The following NRG1 variants were observed in gnomAD, a reference collection of about 807,000 sequenced individuals.
NRG1 encodes the protein neuregulin 1.
A neutral mutation model predicts 63.8 loss-of-function variants in NRG1; 18 were observed. The observed-to-expected ratio is 0.28, with a 90% CI of 0.19 to 0.42. The LOEUF is 0.42. Ranked by LOEUF, NRG1 falls within the 10% of genes least tolerant of loss-of-function variation. The probability of loss-of-function intolerance (pLI) is 1.00; values close to 1 mark genes in which losing one functional copy is unlikely to be tolerated. For missense variants in NRG1, 762 were observed against 814.7 expected, an observed-to-expected ratio of 0.94 and a Z score of 0.79; for synonymous variants, 302 against 301.3, an observed-to-expected ratio of 1.00 and a Z score of -0.02.
At chr8:32,377,217 A>C (rs1249610741) in intron 1 of NRG1, among the ~76,000 whole-genome samples, 1 of 152,244 alleles carries the variant, frequency 6.6e-6, no homozygotes, top group Non-Finnish European at 1.5e-5. Context: ...GACACTTTTT[A>C]ACTTTGACAG....
At chr8:32,196,926 C>A (rs577443579) in intron 1 of NRG1, among the ~76,000 whole-genome samples, 1 of 105,910 alleles carries the variant, frequency 9.4e-6, no homozygotes, top group Non-Finnish European at 2.0e-5. Flanking sequence ...TTCTACCAGG[C>A]CTGTTCTCAG....
intron 1 of NRG1, among the ~76,000 whole-genome samples, chr8:31,925,238 T>G (rs148693319): frequency 0.037 from 2,439 of 65,918 alleles, 41 homozygotes; most frequent in South Asian, 0.15. Flanking sequence ...TGGTTGTGAA[T>G]GTACTATTCT....
intron 1 of NRG1, among the ~76,000 whole-genome samples, chr8:32,142,901 G>A (rs1469244883): frequency 2.0e-5 from 3 of 152,168 alleles, no homozygotes; most frequent in Non-Finnish European, 4.4e-5. Context: ...GGTTTCTAAA[G>A]GTATACTTAT....
chr8:32,467,074 C>T (rs957460214), intron 1 of NRG1, among the ~76,000 whole-genome samples: 1 of 152,002 alleles, frequency 6.6e-6, no homozygotes, highest in Non-Finnish European at 1.5e-5. Context: ...ATATTTTAAC[C>T]TTGCCTCCCA....
intron 1 of NRG1, among the ~76,000 whole-genome samples, chr8:32,583,756 T>C (rs1401264813): frequency 6.6e-6 from 1 of 152,226 alleles, no homozygotes; most frequent in Non-Finnish European, 1.5e-5. Flanking sequence ...TTTAGCCTAC[T>C]GTTTACAAAG....
intron 1 of NRG1, among the ~76,000 whole-genome samples, chr8:32,435,156 T>G (rs546482105): frequency 6.6e-6 from 1 of 152,180 alleles, no homozygotes; most frequent in Non-Finnish European, 1.5e-5. Context: ...GAGGCAGATA[T>G]TTCCATAAAT....
At chr8:32,074,137 G>T (rs1826156156) in intron 1 of NRG1, among the ~76,000 whole-genome samples, 1 of 152,110 alleles carries the variant, frequency 6.6e-6, no homozygotes, top group Non-Finnish European at 1.5e-5. Context: ...CTAAACCAAG[G>T]ATGCTAAATA....
intron 1 of NRG1, among the ~76,000 whole-genome samples, chr8:32,246,162 A>C (rs552560165): frequency 3.9e-4 from 60 of 152,336 alleles, no homozygotes; most frequent in Non-Finnish European, 1.3e-4. Context: ...GAAGAAAAAG[A>C]TACCAATGAC....
intron 1 of NRG1, among the ~76,000 whole-genome samples, chr8:32,278,351 CA>C (rs965975439): frequency 4.6e-5 from 7 of 151,828 alleles, no homozygotes; most frequent in African/African-American, 1.7e-4. Flanking sequence ...CCCCAATCTT[CA>C]AAAAAAGGAT....
intron 1 of NRG1, among the ~76,000 whole-genome samples, chr8:32,444,981 T>C (rs1820061893): frequency 6.6e-6 from 1 of 152,186 alleles, no homozygotes; most frequent in East Asian, 1.9e-4. Context: ...CATGTAGTGG[T>C]GATTCACAGA....
chr8:32,218,863 G>A (rs959539555), intron 1 of NRG1, among the ~76,000 whole-genome samples: 3 of 152,172 alleles, frequency 2.0e-5, no homozygotes, highest in Non-Finnish European at 4.4e-5. Flanking sequence ...AGGGAGCAAA[G>A]GCAGGATTTC....
intron 1 of NRG1, among the ~76,000 whole-genome samples, chr8:32,140,504 C>A (rs1836108680): frequency 1.3e-5 from 2 of 151,684 alleles, no homozygotes; most frequent in Non-Finnish European, 2.9e-5. Flanking sequence ...ACTCTGTTGC[C>A]CATCCTGGAG....
At chr8:32,072,667 AATAAC>A (rs759863618) in intron 1 of NRG1, among the ~76,000 whole-genome samples, 41 of 152,194 alleles carry the variant, frequency 2.7e-4, no homozygotes, top group Non-Finnish European at 5.4e-4. Flanking sequence ...TAGGAGGGCA[AATAAC>A]ATAACTGCTT....
chr8:31,858,215 C>T (rs183605322), intron 1 of NRG1, among the ~76,000 whole-genome samples: 40 of 151,742 alleles, frequency 2.6e-4, no homozygotes, highest in African/African-American at 8.2e-4. Context: ...AGGAGAATGG[C>T]GTGAAACTGG....
chr8:32,099,112 G>A (rs934181779), intron 1 of NRG1, among the ~76,000 whole-genome samples: 1 of 152,208 alleles, frequency 6.6e-6, no homozygotes, highest in Non-Finnish European at 1.5e-5. Context: ...CAGCAAGATA[G>A]GAGCTGACTG....
At chr8:32,097,593 C>T (rs1329408372) in intron 1 of NRG1, among the ~76,000 whole-genome samples, 1 of 151,840 alleles carries the variant, frequency 6.6e-6, no homozygotes, top group Admixed American at 6.6e-5. Flanking sequence ...CCAAATAATT[C>T]CAGGAAAGAG....
intron 1 of NRG1, among the ~76,000 whole-genome samples, chr8:32,131,033 T>G (rs1834744847): frequency 6.6e-6 from 1 of 151,966 alleles, no homozygotes; most frequent in Non-Finnish European, 1.5e-5. Flanking sequence ...TTGCTAAAAC[T>G]ATAAATAACA....
chr8:31,959,315 A>C (rs1199412639), intron 1 of NRG1, among the ~76,000 whole-genome samples: 1 of 152,210 alleles, frequency 6.6e-6, no homozygotes, highest in Non-Finnish European at 1.5e-5. Flanking sequence ...TACAAGTATA[A>C]AACTATCAGT....
chr8:32,410,287 C>T (rs1814726904), intron 1 of NRG1, among the ~76,000 whole-genome samples: 1 of 147,064 alleles, frequency 6.8e-6, no homozygotes. Context: ...CTCAGGCAGT[C>T]CTCCCACCTT....
Sources: gnomAD v4.1 joint callset for allele counts (sites outside exome capture counted in the v4.1 genomes callset) on GRCh38, gnomAD v4.1.1 for gene constraint, MANE v1.5 for transcripts, NCBI Gene and HGNC (gene_info 2026-07-23, HGNC 2026-07-21) for gene names.